Variants in COLEC12 observed in about 807,000 individuals in gnomAD.
COLEC12 encodes the protein collectin subfamily member 12.
Under a neutral mutation model 71.1 loss-of-function variants are expected in COLEC12, and 33 were observed. The observed-to-expected ratio is 0.46, with a 90% confidence interval of 0.35 to 0.62. The LOEUF (loss-of-function observed/expected upper bound fraction) is 0.62. Among genes scored for constraint, COLEC12 ranks in the 20% least tolerant of loss-of-function variants. The pLI is 0.00. For missense variants in COLEC12, 765 were observed against 916.1 expected (o/e 0.84, Z 2.13); for synonymous variants, 350 against 353.0 (o/e 0.99, Z 0.10).
chr18:390,796 G>A (rs745443221), intron 2 of COLEC12, among the ~76,000 whole-genome samples: 1 of 151,678 alleles, frequency 6.6e-6, no homozygotes, highest in Non-Finnish European at 1.5e-5. Flanking sequence ...CAGAGGCAAC[G>A]GCTCCTTTGG....
At position 321,698 on chromosome 18, in the gene COLEC12, C is replaced by T. The variant is rs764288261; in HGVS notation, c.2173G>A (p.Val725Ile). ...TCTTTTTCGCAAATGAAGTTATTGA[C>T]GTCTTCACATTGGAAATCGTTCCAC... ...GQWNDFQCED[V>I]NNFICEKDRE... The change falls in exon 9 of 10, where the codon GTC becomes ATC. Residue 725 changes from valine to isoleucine, a missense_variant. Coordinates refer to ENST00000400256, the MANE Select transcript of COLEC12 (RefSeq NM_130386.3). The T allele has an allele frequency of 7.4e-6, 12 of 1,614,072 alleles. No homozygotes were observed. Among genetic ancestry groups the T allele is most frequent in the African/African-American group, 4.0e-5 (3 of 74,940 alleles).
chr18:322,408 CTT>C (rs2143404452), intron 8 of COLEC12, among the ~76,000 whole-genome samples: 1 of 152,334 alleles, frequency 6.6e-6, no homozygotes, highest in South Asian at 2.1e-4. Flanking sequence ...GAAATAGTAA[CTT>C]AATCTTACTG....
chr18:450,008 C>T (rs573194233), intron 2 of COLEC12, among the ~76,000 whole-genome samples: 2 of 152,272 alleles, frequency 1.3e-5, no homozygotes, highest in South Asian at 2.1e-4. Flanking sequence ...TATATAATTT[C>T]ATTTTGTCAG....
chr18:475,796 G>A (rs2846662), intron 2 of COLEC12, among the ~76,000 whole-genome samples: 90,340 of 151,996 alleles, frequency 0.59, 26,964 homozygotes, highest in South Asian at 0.75. Context: ...TAATTTAACT[G>A]GAGCCATGAA....
chr18:478,018 C>T (rs1917338083), intron 2 of COLEC12, among the ~76,000 whole-genome samples: 1 of 152,196 alleles, frequency 6.6e-6, no homozygotes, highest in Non-Finnish European at 1.5e-5. Context: ...GAACTGAAAA[C>T]TCATTTACCT....
intron 2 of COLEC12, among the ~76,000 whole-genome samples, chr18:419,955 C>A (rs2143651768): frequency 1.3e-5 from 2 of 152,298 alleles, no homozygotes; most frequent in Non-Finnish European, 2.9e-5. Context: ...GGAGCCCTTG[C>A]AAGATGTCTG....
chr18:374,404 C>T (rs1277431487), intron 2 of COLEC12, among the ~76,000 whole-genome samples: 2 of 152,002 alleles, frequency 1.3e-5, no homozygotes, highest in Admixed American at 6.5e-5. Flanking sequence ...GAAAGTATGA[C>T]CTGCAATTGC....
intron 2 of COLEC12, among the ~76,000 whole-genome samples, chr18:452,831 T>C (rs144506276): frequency 6.6e-6 from 1 of 152,360 alleles, no homozygotes; most frequent in African/African-American, 2.4e-5. Flanking sequence ...CTATGAGCTT[T>C]GGCCACAGGT....
chr18:344,641 C>G (rs1053249139), intron 5 of COLEC12, among the ~76,000 whole-genome samples: 6 of 152,256 alleles, frequency 3.9e-5, no homozygotes, highest in African/African-American at 1.4e-4. Context: ...AACACATTCC[C>G]TTCCCTGGAA....
intron 2 of COLEC12, among the ~76,000 whole-genome samples, chr18:470,707 A>G (rs988210730): frequency 6.6e-6 from 1 of 152,156 alleles, no homozygotes; most frequent in African/African-American, 2.4e-5. Context: ...GTGAGCTATG[A>G]TCATGCCACT....
At chr18:366,769 T>C (rs1315308444) in intron 2 of COLEC12, among the ~76,000 whole-genome samples, 1 of 152,124 alleles carries the variant, frequency 6.6e-6, no homozygotes, top group Non-Finnish European at 1.5e-5. Context: ...GATTTCACAA[T>C]CTCCTCTCCC....
intron 2 of COLEC12, among the ~76,000 whole-genome samples, chr18:460,926 A>G (rs573222071): frequency 2.0e-5 from 3 of 152,294 alleles, no homozygotes; most frequent in Non-Finnish European, 2.9e-5. Flanking sequence ...TAATGTCTTC[A>G]TGGTCACGTT....
intron 2 of COLEC12, among the ~76,000 whole-genome samples, chr18:391,554 T>C (rs1188350756): frequency 6.6e-6 from 1 of 152,156 alleles, no homozygotes; most frequent in Non-Finnish European, 1.5e-5. Context: ...GGCTCTCTGG[T>C]TATAAGTACT....
intron 1 of COLEC12, among the ~76,000 whole-genome samples, chr18:482,053 A>G (rs964707702): frequency 1.3e-5 from 2 of 151,816 alleles, no homozygotes; most frequent in African/African-American, 4.8e-5. Flanking sequence ...TAGTTTTTCA[A>G]TTCCCATCCT....
rs148659231 is a variant in COLEC12, at chr18:459,504, G to A, written c.58+21203C>T. Among the ~76,000 whole-genome samples the A allele has an allele frequency of 8.8e-3, 1,333 of 152,268 alleles. 20 individuals are homozygous for A. Among genetic ancestry groups the A allele is most frequent in the African/African-American group, 0.03 (1,263 of 41,546 alleles). On this transcript the variant is annotated intron_variant, in intron 2 of 9. Coordinates refer to ENST00000400256, the MANE Select transcript of COLEC12 (RefSeq NM_130386.3). ...GTAAATCAGACAGCTTTCCTCATTGGGACGTATGTAAAACCCGAGTGGAGA... is the reference window on the plus strand; with the variant it reads ...GTAAATCAGACAGCTTTCCTCATTGAGACGTATGTAAAACCCGAGTGGAGA...
intron 2 of COLEC12, among the ~76,000 whole-genome samples, chr18:453,267 C>A (rs1185282147): frequency 2.0e-5 from 3 of 152,174 alleles, no homozygotes; most frequent in African/African-American, 7.2e-5. Flanking sequence ...GGACAAGAGG[C>A]ACTCCTGGCC....
At chr18:428,450 TA>T (rs1478232544) in intron 2 of COLEC12, among the ~76,000 whole-genome samples, 2 of 152,168 alleles carry the variant, frequency 1.3e-5, no homozygotes, top group African/African-American at 4.8e-5. Context: ...AAAGTAGTGC[TA>T]AGTGATTATT....
At chr18:347,845 G>C (rs947117693) in intron 4 of COLEC12, among the ~76,000 whole-genome samples, 1 of 151,858 alleles carries the variant, frequency 6.6e-6, no homozygotes, top group African/African-American at 2.4e-5. Context: ...GATATTATTT[G>C]GCACATAATA....
chr18:347,441 T>C (rs1162525626), intron 4 of COLEC12, 100 bp from the exon 5 acceptor site: 2 of 979,910 alleles, frequency 2.0e-6, no homozygotes, highest in Admixed American at 2.3e-5. Flanking sequence ...CACTGTATTT[T>C]AGATGCAAAA....
Sources: allele counts gnomAD v4.1 joint callset (sites outside exome capture counted in the v4.1 genomes callset), GRCh38; gene constraint gnomAD v4.1.1; transcripts MANE v1.5; gene names NCBI Gene and HGNC (gene_info 2026-07-23, HGNC 2026-07-21).